The following UNC5C variants were observed in gnomAD, a reference collection of about 807,000 sequenced individuals.
UNC5C encodes the protein unc-5 netrin receptor C, also known as netrin receptor UNC5C.
UNC5C carries 47 observed loss-of-function variants against 99.8 expected under a neutral mutation model. That is an observed-to-expected ratio of 0.47 (90% confidence interval 0.37 to 0.60). UNC5C has a LOEUF of 0.60. UNC5C is among the 20% of genes least tolerant of loss of function. The pLI, the probability that UNC5C is intolerant of heterozygous loss-of-function variation, is 0.00. For synonymous variants in UNC5C, 487 were observed against 452.2 expected (o/e 1.08, Z -0.98); for missense variants, 1,062 against 1,165.9 (o/e 0.91, Z 1.30).
intron 1 of UNC5C, among the ~76,000 whole-genome samples, chr4:95,441,595 A>T (rs1364640135): frequency 6.6e-6 from 1 of 152,128 alleles, no homozygotes; most frequent in Non-Finnish European, 1.5e-5. Flanking sequence ...TGTTTTGGAG[A>T]TCTTGCAAAA....
intron 4 of UNC5C, among the ~76,000 whole-genome samples, chr4:95,252,153 T>G (rs1431641905): frequency 6.6e-6 from 1 of 152,212 alleles, no homozygotes; most frequent in Non-Finnish European, 1.5e-5. Flanking sequence ...TCTCAACGTT[T>G]CACCCTATGT....
At chr4:95,453,977 G>A (rs1747357694) in intron 1 of UNC5C, among the ~76,000 whole-genome samples, 1 of 152,056 alleles carries the variant, frequency 6.6e-6, no homozygotes, top group Non-Finnish European at 1.5e-5. Context: ...GAGACAGAAA[G>A]CACATTGGTG....
At chr4:95,474,394 G>A (rs1703313393) in intron 1 of UNC5C, among the ~76,000 whole-genome samples, 3 of 152,026 alleles carry the variant, frequency 2.0e-5, no homozygotes, top group African/African-American at 7.2e-5. Flanking sequence ...GGGTTCAAGC[G>A]ATTCTCCTGC....
rs201843195 is a variant in UNC5C at position 95,283,600 on chromosome 4, C to T, written c.491-5238G>A. Among the ~76,000 whole-genome samples the T allele has an allele frequency of 2.6e-5, 4 of 152,282 alleles. No individual in the cohort carries two copies. The East Asian group carries it at 7.7e-4, about 29-fold the overall frequency. ...GATGTGATAGAAGGCAGGCCAGTTG[C>T]CTTGCAGGCAGAGTGAACACAGGGG... is the stretch of plus-strand genomic sequence containing the variant. On this transcript the variant is annotated intron_variant, in intron 3 of 15. Coordinates refer to ENST00000453304, the MANE Select transcript of UNC5C (RefSeq NM_003728.4).
Position 95,202,731 on chromosome 4 carries a change from C to T in UNC5C, c.2136G>A (p.Lys712=). The change falls in exon 12 of 16, where the codon AAG becomes AAA. Residue 712 remains lysine (K), a splice_region_variant and synonymous_variant. Transcript: ENST00000453304. ...GGCAGGCTAGGTGGGAGGCACTTACCTTCAGGGCATCCTGGGTGTCATCCA... is the reference window on the plus strand; with the variant it reads ...GGCAGGCTAGGTGGGAGGCACTTACTTTCAGGGCATCCTGGGTGTCATCCA... ...YCLDDTQDAL[K]EILHLERQMG... is the part of the protein sequence containing the mutation. The T allele has an allele frequency of 6.2e-7, 1 of 1,613,838 alleles. No individual in the cohort carries two copies. Among genetic ancestry groups the T allele is most frequent in the Non-Finnish European group, 8.5e-7 (1 of 1,179,824 alleles).
intron 3 of UNC5C, among the ~76,000 whole-genome samples, chr4:95,280,550 A>C (rs1027138573): frequency 5.3e-5 from 8 of 152,040 alleles, no homozygotes; most frequent in African/African-American, 1.9e-4. Context: ...TTAGCTTGGC[A>C]TGGTGGCGTG....
chr4:95,176,510 TGTCA>T (rs1736352052), intron 14 of UNC5C, among the ~76,000 whole-genome samples: 1 of 152,108 alleles, frequency 6.6e-6, no homozygotes, highest in African/African-American at 2.4e-5. Flanking sequence ...CCGTGTGAGG[TGTCA>T]GTCTGCCCCT....
chr4:95,311,532 T>A (rs186289599), intron 2 of UNC5C, among the ~76,000 whole-genome samples: 1 of 152,320 alleles, frequency 6.6e-6, no homozygotes, highest in East Asian at 1.9e-4. Context: ...CATTCATGAG[T>A]AGTTTTAATA....
intron 1 of UNC5C, among the ~76,000 whole-genome samples, chr4:95,425,960 C>T (rs760863706): frequency 6.6e-6 from 1 of 152,066 alleles, no homozygotes; most frequent in Admixed American, 6.6e-5. Context: ...AGCAGCACTT[C>T]CTTTTACATT....
chr4:95,344,427 C>T (rs1225024396), intron 1 of UNC5C, among the ~76,000 whole-genome samples: 1 of 152,162 alleles, frequency 6.6e-6, no homozygotes, highest in South Asian at 2.1e-4. Context: ...ACCAGACCTG[C>T]CCTACATGAG....
At chr4:95,398,629 T>C (rs1326381148) in intron 1 of UNC5C, among the ~76,000 whole-genome samples, 2 of 152,226 alleles carry the variant, frequency 1.3e-5, no homozygotes, top group African/African-American at 4.8e-5. Context: ...AATGAAGATG[T>C]ATCTCCTGTT....
At chr4:95,520,717 GC>G (rs1560492850) in intron 1 of UNC5C, among the ~76,000 whole-genome samples, 2 of 150,658 alleles carry the variant, frequency 1.3e-5, no homozygotes, top group Non-Finnish European at 2.9e-5. Flanking sequence ...TCCTGCCTCA[GC>G]CTCCCGAGTA....
chr4:95,271,265 T>C (rs918433077), intron 4 of UNC5C, among the ~76,000 whole-genome samples: 2 of 151,754 alleles, frequency 1.3e-5, no homozygotes, highest in Non-Finnish European at 2.9e-5. Context: ...TCTCGCTCTG[T>C]CGCCCAGGCT....
intron 1 of UNC5C, among the ~76,000 whole-genome samples, chr4:95,464,245 A>T (rs1198090182): frequency 6.6e-6 from 1 of 152,196 alleles, no homozygotes; most frequent in African/African-American, 2.4e-5. Context: ...TAAAGGAAAA[A>T]TATTTGGTGA....
In UNC5C at chr4:95,206,688, G is replaced by A. The variant is rs768433445; in HGVS notation, c.1842C>T (p.Asp614=). Residue 614 remains aspartate, a synonymous_variant, in exon 11 of 16, where the codon GAC becomes GAT. Coordinates refer to ENST00000453304, the MANE Select transcript of UNC5C (RefSeq NM_003728.4). ...PVVLTMHHCA[D]PNTEDWKILL... is the part of the protein sequence containing the mutation. Reference sequence around the variant, plus strand: ...GTATTTTCCAGTCCTCGGTATTGGGGTCTGCGCAGTGATGCATAGTGAGGA... The same window carrying A: ...GTATTTTCCAGTCCTCGGTATTGGGATCTGCGCAGTGATGCATAGTGAGGA... The A allele has an allele frequency of 3.1e-6, 5 of 1,614,012 alleles. No homozygotes were observed. The highest frequency in any genetic ancestry group is 4.2e-6 in the Non-Finnish European group (5 of 1,180,044).
At chr4:95,538,496 C>T (rs969981508) in intron 1 of UNC5C, among the ~76,000 whole-genome samples, 2 of 152,098 alleles carry the variant, frequency 1.3e-5, no homozygotes, top group African/African-American at 2.4e-5. Flanking sequence ...AAACAGGCAA[C>T]CTCCCTCATT....
In UNC5C at chr4:95,219,196, G is replaced by T. The variant is rs568825787; in HGVS notation, c.1418C>A (p.Pro473Gln). The T allele has an allele frequency of 1.9e-6, 3 of 1,614,162 alleles. No individual in the cohort carries two copies. In the South Asian group the frequency reaches 3.3e-5, roughly 18 times the overall value. ...CACTTTGATTTTCAGGTTGGGCAGT[G>T]GATCCAGAATTGGAGAGTTGGTCAT... ...IPMTNSPILD[P>Q]LPNLKIKVYN... The change falls in exon 9 of 16, where the codon CCA (proline) becomes CAA (glutamine). Residue 473 changes from proline (P) to glutamine (Q), a missense_variant. This residue lies in a region of UNC5C where 810 missense variants were observed against 854.5 expected (regional missense o/e 0.95). Coordinates refer to ENST00000453304, the MANE Select transcript of UNC5C (RefSeq NM_003728.4).
At chr4:95,536,016 G>A (rs1421080982) in intron 1 of UNC5C, among the ~76,000 whole-genome samples, 1 of 149,592 alleles carries the variant, frequency 6.7e-6, no homozygotes, top group African/African-American at 2.5e-5. Flanking sequence ...ATCAAGTAAG[G>A]ATCAATCCAT....
At chr4:95,326,090 C>T (rs552837789) in intron 2 of UNC5C, among the ~76,000 whole-genome samples, 1 of 152,214 alleles carries the variant, frequency 6.6e-6, no homozygotes, top group African/African-American at 2.4e-5. Context: ...AAGTTTGTTT[C>T]TTCATCCTGC....
Sources: allele counts gnomAD v4.1 joint callset (sites outside exome capture counted in the v4.1 genomes callset), GRCh38; gene constraint gnomAD v4.1.1; regional missense constraint gnomAD v4.1.1; transcripts MANE v1.5; gene names NCBI Gene and HGNC (gene_info 2026-07-23, HGNC 2026-07-21).